The following CNTN1 variants were observed in gnomAD, a reference collection of about 807,000 sequenced individuals.
The protein encoded by CNTN1 is contactin 1.
A neutral mutation model predicts 126.4 loss-of-function variants in CNTN1; 38 were observed. The observed-to-expected ratio is 0.30, with a 90% CI of 0.23 to 0.39. The LOEUF (loss-of-function observed/expected upper bound fraction) is 0.39, where lower values mean the gene tolerates loss of function less well. Among genes scored for constraint, CNTN1 ranks in the 10% least tolerant of loss-of-function variants. The pLI is 1.00. For synonymous variants in CNTN1, 413 were observed against 422.6 expected (o/e 0.98, Z 0.28); for missense variants, 1,009 against 1,248.4 (o/e 0.81, Z 2.89).
At chr12:40,865,143 C>T (rs1943254958) in intron 1 of CNTN1, among the ~76,000 whole-genome samples, 1 of 152,080 alleles carries the variant, frequency 6.6e-6, no homozygotes, top group Admixed American at 6.6e-5. Context: ...TGTGTATCTT[C>T]TTTGGAGAAA....
intron 1 of CNTN1, among the ~76,000 whole-genome samples, chr12:40,740,490 A>T (rs12371393): frequency 6.6e-6 from 1 of 152,148 alleles, no homozygotes; most frequent in Admixed American, 6.6e-5. Flanking sequence ...AACTCCTTAC[A>T]TAAAATAGTT....
intron 1 of CNTN1, among the ~76,000 whole-genome samples, chr12:40,893,407 C>G (rs1372283739): frequency 6.6e-6 from 1 of 152,090 alleles, no homozygotes; most frequent in African/African-American, 2.4e-5. Flanking sequence ...CTGCATTCTT[C>G]AACCTCCAAA....
chr12:40,957,010 G>GGGTT (rs1946910109), intron 14 of CNTN1, among the ~76,000 whole-genome samples: 1 of 151,472 alleles, frequency 6.6e-6, no homozygotes, highest in Non-Finnish European at 1.5e-5. Context: ...AGAAAGGGAG[G>GGGTT]GGTTAAGAAT....
At chr12:40,955,788 G>T (rs1054817027) in intron 14 of CNTN1, among the ~76,000 whole-genome samples, 3 of 152,066 alleles carry the variant, frequency 2.0e-5, no homozygotes, top group African/African-American at 7.2e-5. Context: ...TGTACAGAGG[G>T]CAATAACTAA....
chr12:41,049,044 A>G lies in CNTN1; in HGVS notation c.2980+19825A>G, dbSNP rs557485702. ...TCCTCTCCTTACTCAAGCTCTCAGC[A>G]GCACTGATGCATATGGCCACTTTCT... On this transcript the variant is annotated intron_variant, in intron 23 of 23. Transcript: ENST00000551295. Among the ~76,000 whole-genome samples, 4 of 152,294 alleles carry G rather than the reference A, an allele frequency of 2.6e-5. No individual in the cohort carries two copies. In the South Asian group the frequency reaches 8.3e-4, roughly 32 times the overall value.
At chr12:40,995,893 T>C (rs1437357668) in intron 17 of CNTN1, among the ~76,000 whole-genome samples, 1 of 152,216 alleles carries the variant, frequency 6.6e-6, no homozygotes, top group Non-Finnish European at 1.5e-5. Flanking sequence ...TCTGTTTGCA[T>C]TGCTTAAGTT....
At chr12:40,923,809 A>C (rs1416841179) in intron 5 of CNTN1, among the ~76,000 whole-genome samples, 1 of 152,200 alleles carries the variant, frequency 6.6e-6, no homozygotes, top group Admixed American at 6.5e-5. Flanking sequence ...CAAAAAAGTA[A>C]CACTTAGCAT....
chr12:40,855,046 A>G (rs1942853302), intron 1 of CNTN1, among the ~76,000 whole-genome samples: 1 of 152,138 alleles, frequency 6.6e-6, no homozygotes, highest in Non-Finnish European at 1.5e-5. Context: ...TTTTGTCTGC[A>G]AGAAAGCTCT....
intron 14 of CNTN1, among the ~76,000 whole-genome samples, chr12:40,946,784 T>G (rs1175883084): frequency 7.2e-5 from 11 of 152,130 alleles, no homozygotes; most frequent in Non-Finnish European, 1.5e-4. Context: ...TGCACTGATT[T>G]TAGCTTGCTA....
intron 3 of CNTN1, among the ~76,000 whole-genome samples, chr12:40,917,983 G>T (rs1945303940): frequency 6.6e-6 from 1 of 152,148 alleles, no homozygotes; most frequent in Admixed American, 6.6e-5. Context: ...GCTCAGAAAA[G>T]AGACTGATTT....
At chr12:41,004,433 G>A (rs1374443069) in intron 17 of CNTN1, among the ~76,000 whole-genome samples, 3 of 152,200 alleles carry the variant, frequency 2.0e-5, no homozygotes, top group Admixed American at 2.0e-4. Context: ...GGGGTGGAGA[G>A]TTCTGTAGGT....
At chr12:40,837,088 A>G (rs1942087484) in intron 1 of CNTN1, among the ~76,000 whole-genome samples, 1 of 152,172 alleles carries the variant, frequency 6.6e-6, no homozygotes, top group Admixed American at 6.6e-5. Flanking sequence ...ACTAAAATAT[A>G]TATAATGGGG....
intron 1 of CNTN1, among the ~76,000 whole-genome samples, chr12:40,779,912 G>A (rs1939725487): frequency 6.6e-6 from 1 of 151,904 alleles, no homozygotes; most frequent in East Asian, 1.9e-4. Context: ...TTCTGCCATT[G>A]TTATGAGGAC....
At chr12:40,779,030 C>CGACT (rs1440398602) in intron 1 of CNTN1, among the ~76,000 whole-genome samples, 3 of 151,610 alleles carry the variant, frequency 2.0e-5, no homozygotes, top group Non-Finnish European at 4.4e-5. Flanking sequence ...AAAATATGAA[C>CGACT]AGTCAGGTAG....
intron 1 of CNTN1, among the ~76,000 whole-genome samples, chr12:40,707,397 T>C (rs888409939): frequency 6.6e-5 from 10 of 151,800 alleles, no homozygotes; most frequent in Non-Finnish European, 1.3e-4. Context: ...TACAGGCGCC[T>C]GCCACCACAC....
At chr12:41,006,423 CTG>C (rs1238809209) in intron 17 of CNTN1, among the ~76,000 whole-genome samples, 1 of 152,170 alleles carries the variant, frequency 6.6e-6, no homozygotes, top group Non-Finnish European at 1.5e-5. Context: ...CTGCTGGAGA[CTG>C]TGTGTGGGCA....
At chr12:40,920,047 C>G (rs937607729) in intron 4 of CNTN1, among the ~76,000 whole-genome samples, 4 of 152,066 alleles carry the variant, frequency 2.6e-5, no homozygotes, top group Non-Finnish European at 5.9e-5. Flanking sequence ...AATCACAGAT[C>G]CAAGACTGAA....
At chr12:40,946,941 T>G (rs908958663) in intron 14 of CNTN1, among the ~76,000 whole-genome samples, 7 of 152,018 alleles carry the variant, frequency 4.6e-5, no homozygotes, top group African/African-American at 1.7e-4. Flanking sequence ...TAGGTGATTT[T>G]TAAATGTCTT....
At chr12:40,987,724 A>G (rs1947992983) in intron 16 of CNTN1, among the ~76,000 whole-genome samples, 1 of 152,148 alleles carries the variant, frequency 6.6e-6, no homozygotes, top group Non-Finnish European at 1.5e-5. Flanking sequence ...ACTTTAGATT[A>G]TTTCCCTAAA....
Sources: gnomAD v4.1 joint callset for allele counts (sites outside exome capture counted in the v4.1 genomes callset) on GRCh38, gnomAD v4.1.1 for gene constraint, MANE v1.5 for transcripts, NCBI Gene and HGNC (gene_info 2026-07-23, HGNC 2026-07-21) for gene names.